The following PDE10A variants were observed in gnomAD, a reference collection of about 807,000 sequenced individuals.
PDE10A encodes phosphodiesterase 10A.
PDE10A carries 39 observed loss-of-function variants against 97.7 expected under a neutral mutation model. The observed-to-expected ratio is 0.40, with a 90% CI of 0.31 to 0.52. The LOEUF (loss-of-function observed/expected upper bound fraction) is 0.52. PDE10A is among the 20% of genes least tolerant of loss of function. The probability of loss-of-function intolerance (pLI) is 0.56; values close to 1 mark genes in which losing one functional copy is unlikely to be tolerated. For synonymous variants in PDE10A, 371 were observed against 376.8 expected (o/e 0.98, Z 0.18); for missense variants, 731 against 1,047.8 (o/e 0.70, Z 4.17).
chr6:165,341,460 A>G (rs1781964534), intron 19 of PDE10A, among the ~76,000 whole-genome samples: 3 of 152,216 alleles, frequency 2.0e-5, no homozygotes, highest in East Asian at 3.9e-4. Context: ...CCTTTCTCAT[A>G]GCAATCCTGT....
intron 1 of PDE10A, among the ~76,000 whole-genome samples, chr6:165,977,944 T>C (rs1260349399): frequency 6.6e-6 from 1 of 152,220 alleles, no homozygotes; most frequent in Non-Finnish European, 1.5e-5. Flanking sequence ...ACAATGAAGC[T>C]GAATCCCACA....
At chr6:165,893,056 A>T (rs1289580087) in intron 1 of PDE10A, among the ~76,000 whole-genome samples, 2 of 152,200 alleles carry the variant, frequency 1.3e-5, no homozygotes, top group African/African-American at 2.4e-5. Context: ...GAATAGACAG[A>T]TGCATGAAAG....
intron 1 of PDE10A, among the ~76,000 whole-genome samples, chr6:165,845,229 A>C (rs975534680): frequency 6.6e-6 from 1 of 152,108 alleles, no homozygotes; most frequent in African/African-American, 2.4e-5. Flanking sequence ...CCAAGCTTCC[A>C]GTGAACTCCA....
intron 1 of PDE10A, among the ~76,000 whole-genome samples, chr6:165,951,001 G>A (rs1040061159): frequency 1.3e-5 from 2 of 152,220 alleles, no homozygotes; most frequent in Admixed American, 1.3e-4. Flanking sequence ...TGATAAAAAT[G>A]TGGGTTATCT....
intron 1 of PDE10A, among the ~76,000 whole-genome samples, chr6:165,688,102 C>A (rs186673182): frequency 1.1e-3 from 170 of 152,314 alleles, no homozygotes; most frequent in African/African-American, 4.0e-3. Flanking sequence ...ACAGGTGCCA[C>A]GTAGAGATAC....
At chr6:165,966,049 T>C (rs994463206) in intron 1 of PDE10A, among the ~76,000 whole-genome samples, 2 of 152,230 alleles carry the variant, frequency 1.3e-5, no homozygotes, top group African/African-American at 4.8e-5. Flanking sequence ...TCCACACACA[T>C]CTTCCTTCAG....
At chr6:165,535,433 T>C (rs572308258) in intron 2 of PDE10A, among the ~76,000 whole-genome samples, 1 of 152,104 alleles carries the variant, frequency 6.6e-6, no homozygotes, top group South Asian at 2.1e-4. Flanking sequence ...TGTCCATGTG[T>C]ACATATTATT....
intron 1 of PDE10A, among the ~76,000 whole-genome samples, chr6:165,854,541 C>T (rs1780663960): frequency 6.6e-6 from 1 of 152,188 alleles, no homozygotes; most frequent in Non-Finnish European, 1.5e-5. Flanking sequence ...TCAAGGAGCG[C>T]CCAGGCCGCT....
rs73028174 is a variant in PDE10A at position 165,699,338 on chromosome 6, A to G, written c.-614-155770T>C. 7.7e-3 allele frequency among the ~76,000 whole-genome samples: 1,169 copies of G among 152,352 alleles called. 12 individuals carry two copies. Among genetic ancestry groups the G allele is most frequent in the Non-Finnish European group, 1.0e-2 (678 of 68,028 alleles). On this transcript the variant is annotated intron_variant, in intron 1 of 19. Transcript: ENST00000366882. ...ATTTAACAACAGAGCACCAAAATAT[A>G]GGAAACAAAACCTAATGAACATAAA...
chr6:165,343,370 A>G (rs1254843008), intron 19 of PDE10A, 21 bp downstream of exon 19: 1 of 1,445,614 alleles, frequency 6.9e-7, no homozygotes, highest in Admixed American at 1.7e-5. Context: ...ATCTATGTCA[A>G]TATAAGAATC....
chr6:165,448,773 A>C (rs1186314264), intron 5 of PDE10A, among the ~76,000 whole-genome samples, 155 bp downstream of exon 5: 3 of 152,082 alleles, frequency 2.0e-5, no homozygotes, highest in Admixed American at 6.6e-5. Context: ...TGTCAGTAAA[A>C]TTCTTGACTG....
intron 1 of PDE10A, among the ~76,000 whole-genome samples, chr6:165,965,354 G>A (rs1453939639): frequency 6.6e-6 from 1 of 152,198 alleles, no homozygotes; most frequent in African/African-American, 2.4e-5. Context: ...TGGTGGGGCA[G>A]ACACAAGGTG....
intron 5 of PDE10A, among the ~76,000 whole-genome samples, chr6:165,435,594 T>G (rs569614770): frequency 6.6e-6 from 1 of 152,302 alleles, no homozygotes; most frequent in African/African-American, 2.4e-5. Context: ...AATTTAAAAC[T>G]TAAATGAATG....
chr6:165,483,446 T>C (rs4709943), intron 2 of PDE10A, among the ~76,000 whole-genome samples: 1,831 of 152,278 alleles, frequency 0.012, 142 homozygotes, highest in Admixed American at 0.11. Flanking sequence ...CATGTAACAA[T>C]TGTCATAGGG....
intron 5 of PDE10A, among the ~76,000 whole-genome samples, chr6:165,444,590 G>A (rs969504500): frequency 3.3e-5 from 5 of 151,606 alleles, no homozygotes; most frequent in Non-Finnish European, 7.4e-5. Flanking sequence ...TTAACAGTTG[G>A]ATCTTCTTTA....
At chr6:165,475,402 T>C (rs1779239288) in intron 3 of PDE10A, among the ~76,000 whole-genome samples, 1 of 152,088 alleles carries the variant, frequency 6.6e-6, no homozygotes, top group South Asian at 2.1e-4. Context: ...CATTCTCATA[T>C]GAAATAAACA....
chr6:165,435,434 A>C, intron 5 of PDE10A, 57 bp from the exon 6 acceptor site: 1 of 1,448,020 alleles, frequency 6.9e-7, no homozygotes, highest in Non-Finnish European at 9.4e-7. Flanking sequence ...TAGTACAAAA[A>C]GACACACGTG....
chr6:165,391,024 G>T lies in PDE10A; in HGVS notation c.2454+1622C>A, dbSNP rs184421854. Reference sequence around the variant, plus strand: ...AGAGTTTTACAATCTTGCACAATACGTAAAAGTTATCATCTTTCCAGTTTC... The same window carrying T: ...AGAGTTTTACAATCTTGCACAATACTTAAAAGTTATCATCTTTCCAGTTTC... On this transcript the variant is annotated intron_variant, in intron 16 of 21. Transcript: ENST00000539869. 3.3e-5 allele frequency among the ~76,000 whole-genome samples: 5 copies of T among 152,164 alleles called. No homozygotes were observed. In the East Asian group the frequency reaches 9.6e-4, roughly 29 times the overall value.
At chr6:165,882,777 G>C (rs1781519770) in intron 1 of PDE10A, among the ~76,000 whole-genome samples, 1 of 134,680 alleles carries the variant, frequency 7.4e-6, no homozygotes, top group Non-Finnish European at 1.6e-5. Flanking sequence ...AAAAAAAAAA[G>C]CCTCCCTCCT....
Sources: gnomAD v4.1 joint callset for allele counts (sites outside exome capture counted in the v4.1 genomes callset) on GRCh38, gnomAD v4.1.1 for gene constraint, MANE v1.5 for transcripts, NCBI Gene and HGNC (gene_info 2026-07-23, HGNC 2026-07-21) for gene names.